The following NTM variants were observed in gnomAD, a reference collection of about 807,000 sequenced individuals.
NTM encodes IgLON family member 2.
A neutral mutation model predicts 42.1 loss-of-function variants in NTM; 13 were observed. The observed-to-expected ratio is 0.31, with a 90% CI of 0.20 to 0.49. The LOEUF is 0.49. NTM is among the 20% of genes least tolerant of loss of function. The pLI is 0.99. For missense variants in NTM, 373 were observed against 452.8 expected (o/e 0.82, Z 1.60); for synonymous variants, 187 against 179.2 (o/e 1.04, Z -0.35).
At chr11:131,592,111 C>T (rs1267863378) in intron 1 of NTM, among the ~76,000 whole-genome samples, 2 of 152,134 alleles carry the variant, frequency 1.3e-5, no homozygotes, top group East Asian at 3.9e-4. Context: ...TTTTATTGGG[C>T]ATCCACTACG....
chr11:131,864,613 C>T (rs1482414640), intron 1 of NTM, among the ~76,000 whole-genome samples: 1 of 152,142 alleles, frequency 6.6e-6, no homozygotes, highest in East Asian at 1.9e-4. Context: ...ATAAGAGTAG[C>T]AATACCCTCT....
chr11:131,430,693 C>T (rs562755806), intron 1 of NTM, among the ~76,000 whole-genome samples: 4 of 152,240 alleles, frequency 2.6e-5, no homozygotes, highest in Non-Finnish European at 4.4e-5. Flanking sequence ...AGCCCTGGCA[C>T]TTGTGCTGTA....
chr11:132,320,817 A>G (rs1264634020), intron 7 of NTM, among the ~76,000 whole-genome samples: 4 of 151,600 alleles, frequency 2.6e-5, no homozygotes, highest in Non-Finnish European at 5.9e-5. Context: ...CCCAGTACGC[A>G]GCTGGAGATC....
intron 1 of NTM, among the ~76,000 whole-genome samples, chr11:131,741,205 G>GAGAT (rs2081163806): frequency 8.0e-6 from 1 of 124,602 alleles, no homozygotes; most frequent in Non-Finnish European, 1.8e-5. Flanking sequence ...GAGAGAGAGA[G>GAGAT]AGATGTTTTT....
chr11:131,866,498 C>A (rs2047235853), intron 1 of NTM, among the ~76,000 whole-genome samples: 2 of 152,374 alleles, frequency 1.3e-5, no homozygotes, highest in South Asian at 4.1e-4. Flanking sequence ...GCCTTCAGAG[C>A]TCCAAATCCC....
chr11:131,989,166 A>T (rs1250047230), intron 2 of NTM, among the ~76,000 whole-genome samples: 1 of 152,156 alleles, frequency 6.6e-6, no homozygotes, highest in Non-Finnish European at 1.5e-5. Flanking sequence ...TCCTTTGAGG[A>T]TAGTTCTTTG....
At chr11:131,392,169 T>C (rs898851407) in intron 1 of NTM, among the ~76,000 whole-genome samples, 6 of 152,234 alleles carry the variant, frequency 3.9e-5, no homozygotes, top group African/African-American at 1.2e-4. Context: ...AAAGTCATAC[T>C]ATATTACAGT....
chr11:132,170,624 T>A (rs2075985291), intron 3 of NTM, among the ~76,000 whole-genome samples: 1 of 152,244 alleles, frequency 6.6e-6, no homozygotes, highest in South Asian at 2.1e-4. Context: ...GGCTGAATAT[T>A]GGCAGTTGCA....
chr11:131,635,587 A>G (rs943630540), intron 1 of NTM, among the ~76,000 whole-genome samples: 1 of 152,196 alleles, frequency 6.6e-6, no homozygotes, highest in African/African-American at 2.4e-5. Flanking sequence ...AAAGCTTGTC[A>G]AGTAAAAAAG....
chr11:131,991,815 G>A (rs369237320), intron 2 of NTM, among the ~76,000 whole-genome samples: 2 of 152,296 alleles, frequency 1.3e-5, no homozygotes, highest in South Asian at 4.1e-4. Flanking sequence ...GCAAGAAACA[G>A]CAGGTCCAGG....
intron 1 of NTM, among the ~76,000 whole-genome samples, chr11:131,865,893 T>TC (rs1565646924): frequency 0.032 from 438 of 13,562 alleles, 14 homozygotes; most frequent in Non-Finnish European, 0.041. Flanking sequence ...ACCTCCCACA[T>TC]TCACACATGC....
chr11:132,133,649 G>C (rs973410156), intron 2 of NTM, among the ~76,000 whole-genome samples: 12 of 152,126 alleles, frequency 7.9e-5, no homozygotes, highest in Non-Finnish European at 1.5e-4. Flanking sequence ...GTGGATTCCA[G>C]CACCTTAAGA....
chr11:131,654,318 C>T (rs949038015), intron 1 of NTM, among the ~76,000 whole-genome samples: 3 of 152,216 alleles, frequency 2.0e-5, no homozygotes, highest in Non-Finnish European at 2.9e-5. Flanking sequence ...CCACCCCCAC[C>T]GCCAAAGGCA....
At chr11:132,250,143 T>C (rs560160102) in intron 4 of NTM, among the ~76,000 whole-genome samples, 1 of 152,372 alleles carries the variant, frequency 6.6e-6, no homozygotes, top group African/African-American at 2.4e-5. Context: ...GTACTTATTC[T>C]GATACAGAAT....
intron 1 of NTM, among the ~76,000 whole-genome samples, chr11:131,890,416 C>T (rs2051140733): frequency 6.6e-6 from 1 of 152,188 alleles, no homozygotes; most frequent in Non-Finnish European, 1.5e-5. Context: ...CCTGTAATAA[C>T]CACCAGCAGC....
rs552106666 is a variant in NTM, at chr11:132,110,937, G to A, written c.168-35345G>A. Among the ~76,000 whole-genome samples, 395 of 150,966 alleles carry A rather than the reference G, an allele frequency of 2.6e-3. 1 individual carries two copies. Among genetic ancestry groups the A allele is most frequent in the African/African-American group, 8.6e-3 (355 of 41,352 alleles). On this transcript the variant is annotated intron_variant, in intron 2 of 8. Coordinates refer to ENST00000683400, the MANE Select transcript of NTM (RefSeq NM_001352005.2). The stretch of plus-strand genomic sequence containing the variant: ...ATAAAAATAAAAGGCATGGTGATGT[G>A]TGCACCTGCAGTCCCAGCTACTTTA...
chr11:132,070,834 A>G lies in NTM; in HGVS notation c.168-75448A>G, dbSNP rs571737720. On this transcript the variant is annotated intron_variant, in intron 2 of 8. Transcript: ENST00000683400. The stretch of plus-strand genomic sequence containing the variant: ...GGTTAGTTAACACGTCACACAGCCA[A>G]GTTAACACGTCACACTGACCATCAC... 6.5e-5 allele frequency among the ~76,000 whole-genome samples: 9 copies of G among 139,272 alleles called. No homozygotes were observed. The South Asian group carries it at 1.6e-3, about 24-fold the overall frequency. 91.4% of individuals were successfully genotyped at this position (139,272 alleles called of 152,430 possible).
chr11:132,330,599 G>C (rs1295403933), intron 8 of NTM, among the ~76,000 whole-genome samples: 1 of 152,170 alleles, frequency 6.6e-6, no homozygotes, highest in Admixed American at 6.5e-5. Flanking sequence ...TGGAAGGGAA[G>C]TGGCAAGGGG....
intron 1 of NTM, among the ~76,000 whole-genome samples, chr11:131,717,429 G>A (rs187702343): frequency 1.7e-3 from 256 of 152,116 alleles, no homozygotes; most frequent in African/African-American, 6.0e-3. Context: ...AGCCTTCAAC[G>A]TACAGATCTT....
Sources: gnomAD v4.1 joint callset for allele counts (sites outside exome capture counted in the v4.1 genomes callset) on GRCh38, gnomAD v4.1.1 for gene constraint, MANE v1.5 for transcripts, NCBI Gene and HGNC (gene_info 2026-07-23, HGNC 2026-07-21) for gene names.